GLB1L2: variants seen among roughly 807,000 people sequenced by gnomAD.
GLB1L2 encodes the protein beta-galactosidase-1-like protein 2.
GLB1L2 carries 68 observed loss-of-function variants against 84.1 expected under a neutral mutation model. The observed-to-expected ratio is 0.81, with a 90% confidence interval of 0.67 to 0.99. The LOEUF (loss-of-function observed/expected upper bound fraction) is 0.99. Among genes scored for constraint, GLB1L2 ranks in the 50% least tolerant of loss-of-function variants. The pLI, the probability that GLB1L2 is intolerant of heterozygous loss-of-function variation, is 0.00. For synonymous variants in GLB1L2, 290 were observed against 318.0 expected, an observed-to-expected ratio of 0.91 and a Z score of 0.94; for missense variants, 762 against 805.6, an observed-to-expected ratio of 0.95 and a Z score of 0.66.
rs1209137966 is a variant in GLB1L2 at position 134,370,419 on chromosome 11, A to G, written c.1215+20A>G. 8.2e-6 allele frequency: 13 copies of G among 1,588,738 alleles called. No individual in the cohort carries two copies. The highest frequency in any genetic ancestry group is 2.2e-5 in the East Asian group (1 of 44,692). On this transcript the variant is annotated intron_variant, in intron 12 of 18. Transcript: ENST00000535456. This position sits in a 1 kb window ranked among gnomAD's most constrained non-coding sequence, Gnocchi z 4.7. ...GGGGAGGTGAGTGCTGTGGGCAGTC[A>G]TCGGGAGGTGAGTGAGTGCCGGGGG...
intron 1 of GLB1L2, among the ~76,000 whole-genome samples, chr11:134,333,610 C>A (rs1043765963): frequency 1.1e-4 from 16 of 152,262 alleles, no homozygotes; most frequent in African/African-American, 3.9e-4. Flanking sequence ...AAAAAGTCCC[C>A]AGGAAAAGGT....
intron 4 of GLB1L2, among the ~76,000 whole-genome samples, chr11:134,346,179 C>G (rs945876934): frequency 3.9e-5 from 6 of 152,162 alleles, no homozygotes; most frequent in African/African-American, 1.4e-4. Flanking sequence ...CCCGCCCTTC[C>G]CTCGGGGGCA....
chr11:134,343,475 C>A (rs1244610189), intron 2 of GLB1L2, among the ~76,000 whole-genome samples: 1 of 152,180 alleles, frequency 6.6e-6, no homozygotes, highest in Non-Finnish European at 1.5e-5. Flanking sequence ...TAACCTGGAT[C>A]TTTTCATGGG....
At chr11:134,368,162 A>T (rs1239199843) in intron 9 of GLB1L2, among the ~76,000 whole-genome samples, 5 of 152,174 alleles carry the variant, frequency 3.3e-5, no homozygotes, top group Non-Finnish European at 5.9e-5. Flanking sequence ...CATTTCTTTG[A>T]TTTATATTGA....
chr11:134,364,356 A>T lies in GLB1L2; in HGVS notation c.762A>T (p.Thr254=), dbSNP rs1252141128. The part of the protein sequence containing the change: ...GVLATINLQS[T]HELQLLTTFL... The stretch of plus-strand genomic sequence containing the variant: ...TGGCCACCATCAACTTGCAGTCAAC[A>T]CACGAGCTGCAGCTACTGACCACCT... The change falls in exon 8 of 19, where the codon ACA becomes ACT. Residue 254 remains threonine (T), a synonymous_variant. Coordinates refer to ENST00000535456, the MANE Select transcript of GLB1L2 (RefSeq NM_001370461.1). The T allele has an allele frequency of 3.1e-6, 5 of 1,613,928 alleles. No homozygotes were observed. The Admixed American group carries it at 8.3e-5, about 27-fold the overall frequency.
At chr11:134,356,867 C>T (rs1943709923) in intron 6 of GLB1L2, among the ~76,000 whole-genome samples, 2 of 152,216 alleles carry the variant, frequency 1.3e-5, no homozygotes, top group African/African-American at 4.8e-5. Context: ...GCATGACTGA[C>T]CAGCGAAGGG....
chr11:134,371,260 C>G lies in GLB1L2; in HGVS notation c.1356+112C>G. 2.2e-6 allele frequency: 3 copies of G among 1,390,290 alleles called. No homozygotes were observed. The Admixed American group carries it at 5.3e-5, about 24-fold the overall frequency. 86.1% of individuals were successfully genotyped at this position (1,390,290 alleles called of 1,614,324 possible). A position where few individuals can be genotyped will look rare whatever the true frequency, so the allele number is the denominator to read the frequency against. ...TTACCAGTGTGTGACAATGGCCCTT[C>G]TGAGTCAGCTCTGTGAGCCTTCAGG... is the stretch of plus-strand genomic sequence containing the variant. On this transcript the variant is annotated intron_variant, in intron 13 of 18. Coordinates refer to ENST00000535456, the MANE Select transcript of GLB1L2 (RefSeq NM_001370461.1).
intron 15 of GLB1L2, among the ~76,000 whole-genome samples, chr11:134,373,288 A>G (rs1943981262): frequency 6.6e-6 from 1 of 152,090 alleles, no homozygotes; most frequent in Non-Finnish European, 1.5e-5. Flanking sequence ...TCACAGTCCA[A>G]ACACTCCTAA....
intron 9 of GLB1L2, among the ~76,000 whole-genome samples, chr11:134,368,018 C>T (rs1943888921): frequency 6.6e-6 from 1 of 151,876 alleles, no homozygotes; most frequent in Non-Finnish European, 1.5e-5. Context: ...CATGCTCGCC[C>T]CTCAGCCCCC....
At chr11:134,369,656 A>G (rs374473495) in intron 10 of GLB1L2, 149 bp from the exon 11 acceptor site, 2 of 633,686 alleles carry the variant, frequency 3.2e-6, no homozygotes, top group Admixed American at 2.4e-5. Flanking sequence ...TCATGTTTAC[A>G]GTATTTTGAC....
intron 16 of GLB1L2, 71 bp downstream of exon 16, chr11:134,373,879 T>C (rs1943990062): frequency 1.8e-6 from 2 of 1,114,652 alleles, no homozygotes; most frequent in East Asian, 4.7e-5. Flanking sequence ...CAGGGGTCCC[T>C]GGTGCACCGT....
intron 14 of GLB1L2, 56 bp downstream of exon 14, chr11:134,371,548 TG>T: frequency 1.7e-6 from 2 of 1,153,488 alleles, no homozygotes; most frequent in African/African-American, 1.5e-5. Context: ...CGAGGAAGTC[TG>T]GGGGCAGTCA....
chr11:134,351,220 G>A (rs958523782), intron 5 of GLB1L2, among the ~76,000 whole-genome samples: 1 of 151,980 alleles, frequency 6.6e-6, no homozygotes, highest in African/African-American at 2.4e-5. Flanking sequence ...AGTTGACTGA[G>A]TGTTTTTTAT....
chr11:134,337,038 C>T (rs1943397555), intron 1 of GLB1L2, among the ~76,000 whole-genome samples: 1 of 152,132 alleles, frequency 6.6e-6, no homozygotes, highest in Non-Finnish European at 1.5e-5. Flanking sequence ...TGTTACTTTA[C>T]TATTGGATCT....
At chr11:134,337,361 A>G (rs1321859706) in intron 1 of GLB1L2, among the ~76,000 whole-genome samples, 10 of 152,228 alleles carry the variant, frequency 6.6e-5, no homozygotes, top group Admixed American at 6.5e-4. Context: ...TTGGGCCCAG[A>G]CCAAGGAGCA....
At chr11:134,345,557 G>A (rs922980129) in intron 4 of GLB1L2, among the ~76,000 whole-genome samples, 27 of 152,158 alleles carry the variant, frequency 1.8e-4, no homozygotes, top group African/African-American at 5.8e-4. Context: ...TGCAACCTCC[G>A]CCTCCCGGGT....
chr11:134,357,681 C>T (rs2884943), intron 6 of GLB1L2, among the ~76,000 whole-genome samples: 5,420 of 152,302 alleles, frequency 0.036, 435 homozygotes, highest in East Asian at 0.32. Context: ...GGTGTCGGGG[C>T]GGAGGCGCCC....
intron 5 of GLB1L2, among the ~76,000 whole-genome samples, chr11:134,352,709 A>G (rs1007906529): frequency 1.3e-5 from 2 of 148,280 alleles, no homozygotes; most frequent in African/African-American, 5.0e-5. Flanking sequence ...GTGCAGTGGC[A>G]TGATCTCAGC....
intron 2 of GLB1L2, among the ~76,000 whole-genome samples, chr11:134,343,322 CCA>C (rs1943498554): frequency 6.6e-6 from 1 of 152,158 alleles, no homozygotes; most frequent in African/African-American, 2.4e-5. Flanking sequence ...CTCTCTGGCC[CCA>C]GTTTTCAGCA....
Sources: gnomAD v4.1 joint callset for allele counts (sites outside exome capture counted in the v4.1 genomes callset) on GRCh38, gnomAD v4.1.1 for gene constraint, Gnocchi (gnomAD v3.1) non-coding constraint, MANE v1.5 for transcripts, NCBI Gene and HGNC (gene_info 2026-07-23, HGNC 2026-07-21) for gene names.